The following CSMD1 variants were observed in gnomAD, a reference collection of about 807,000 sequenced individuals.
CSMD1 encodes the protein CUB and Sushi multiple domains 1.
Under a neutral mutation model 417.5 loss-of-function variants are expected in CSMD1, and 213 were observed. That is an observed-to-expected ratio of 0.51 (90% CI 0.46 to 0.57). CSMD1 has a LOEUF of 0.57. CSMD1 is among the 20% of genes least tolerant of loss of function. The probability of loss-of-function intolerance (pLI) is 0.00; values close to 1 mark genes in which losing one functional copy is unlikely to be tolerated. For missense variants in CSMD1, 6,923 were observed against 4,529.7 expected (o/e 1.53, Z -15.17); for synonymous variants, 2,862 against 1,736.8 (o/e 1.65, Z -16.11).
chr8:3,965,770 A>C (rs996840378), intron 5 of CSMD1, among the ~76,000 whole-genome samples: 1 of 151,970 alleles, frequency 6.6e-6, no homozygotes, highest in Non-Finnish European at 1.5e-5. Context: ...GGCATGTGAC[A>C]CCACACCTGG....
chr8:4,212,820 G>C (rs1054302107), intron 3 of CSMD1, among the ~76,000 whole-genome samples: 1 of 134,794 alleles, frequency 7.4e-6, no homozygotes. Context: ...GCCAGTTCAT[G>C]GACTGGCATT....
At chr8:3,540,896 T>G (rs1474786151) in intron 10 of CSMD1, among the ~76,000 whole-genome samples, 1 of 152,218 alleles carries the variant, frequency 6.6e-6, no homozygotes, top group African/African-American at 2.4e-5. Flanking sequence ...CCGGCGAGGC[T>G]GTGGAGAAAC....
At chr8:4,827,491 C>A (rs986484148) in intron 1 of CSMD1, among the ~76,000 whole-genome samples, 4 of 152,122 alleles carry the variant, frequency 2.6e-5, no homozygotes, top group African/African-American at 9.7e-5. Context: ...TTAAGATGAA[C>A]TGAATATTTT....
chr8:4,732,174 T>G (rs796946518), intron 1 of CSMD1, among the ~76,000 whole-genome samples: 48 of 152,216 alleles, frequency 3.2e-4, no homozygotes, highest in African/African-American at 1.1e-3. Context: ...TGCAAAAGCG[T>G]TCGGTAGCAG....
At chr8:4,291,734 G>A (rs530271737) in intron 3 of CSMD1, among the ~76,000 whole-genome samples, 34 of 152,102 alleles carry the variant, frequency 2.2e-4, no homozygotes, top group Non-Finnish European at 3.7e-4. Flanking sequence ...AGTTATATGC[G>A]GAGACAAAAG....
chr8:4,093,738 A>G (rs1800840149), intron 3 of CSMD1, among the ~76,000 whole-genome samples: 1 of 152,286 alleles, frequency 6.6e-6, no homozygotes, highest in South Asian at 2.1e-4. Flanking sequence ...AGGTGGAAAG[A>G]TAAACTGAGG....
intron 3 of CSMD1, among the ~76,000 whole-genome samples, chr8:4,273,229 A>T (rs974758967): frequency 6.6e-6 from 1 of 152,186 alleles, no homozygotes; most frequent in Non-Finnish European, 1.5e-5. Flanking sequence ...TTTCTCATAA[A>T]ATATAACTTA....
At chr8:3,199,610 A>C in intron 33 of CSMD1, 104 bp downstream of exon 33, 1 of 523,080 alleles carries the variant, frequency 1.9e-6, no homozygotes, top group Non-Finnish European at 3.2e-6. Flanking sequence ...AAATATTACA[A>C]AAATGCAGCT....
chr8:3,470,325 G>A (rs1298953574), intron 11 of CSMD1, among the ~76,000 whole-genome samples: 2 of 152,142 alleles, frequency 1.3e-5, no homozygotes, highest in African/African-American at 2.4e-5. Context: ...AGTAGGGGAT[G>A]ATTAACATTT....
intron 1 of CSMD1, among the ~76,000 whole-genome samples, chr8:4,889,181 T>C (rs1250223402): frequency 6.6e-6 from 1 of 152,110 alleles, no homozygotes; most frequent in Non-Finnish European, 1.5e-5. Context: ...TGGAGAATAC[T>C]GACAGACATG....
chr8:3,575,823 G>A (rs1489496179), intron 9 of CSMD1, among the ~76,000 whole-genome samples: 1 of 144,856 alleles, frequency 6.9e-6, no homozygotes, highest in Non-Finnish European at 1.5e-5. Context: ...TAATTTAATT[G>A]GCCTCCAGTT....
intron 1 of CSMD1, among the ~76,000 whole-genome samples, chr8:4,957,154 A>G (rs1274598407): frequency 3.2e-4 from 49 of 152,234 alleles, no homozygotes; most frequent in Admixed American, 3.1e-3. Flanking sequence ...CAATTAGGTA[A>G]AAACAGTTTG....
intron 5 of CSMD1, among the ~76,000 whole-genome samples, chr8:3,923,517 T>C (rs1402066450): frequency 6.6e-6 from 1 of 152,122 alleles, no homozygotes; most frequent in African/African-American, 2.4e-5. Flanking sequence ...TGTCTTTTAT[T>C]CTCACCTTGC....
chr8:3,923,984 C>T (rs1360721612), intron 5 of CSMD1, among the ~76,000 whole-genome samples: 2 of 152,152 alleles, frequency 1.3e-5, no homozygotes, highest in Admixed American at 6.5e-5. Flanking sequence ...TATACACTTA[C>T]CTTTACAGGT....
rs143587477 is a variant in CSMD1 at position 4,282,495 on chromosome 8, G to A, written c.415+137458C>T. 2.3e-3 allele frequency among the ~76,000 whole-genome samples: 343 copies of A among 152,208 alleles called. 2 individuals are homozygous for A. Among genetic ancestry groups the A allele is most frequent in the African/African-American group, 7.5e-3 (312 of 41,524 alleles). ...TGCTTATTTAATTTAGTATGACATC[G>A]TTATCTCCCTCTAAGCTTTGCGTTT... On this transcript the variant is annotated intron_variant, in intron 3 of 69. Transcript: ENST00000635120.
chr8:2,944,542 C>T (rs575814785), intron 68 of CSMD1, among the ~76,000 whole-genome samples: 1 of 152,150 alleles, frequency 6.6e-6, no homozygotes, highest in Non-Finnish European at 1.5e-5. Flanking sequence ...TTCACACGGA[C>T]TCATAGTCAC....
At chr8:3,186,985 G>A (rs184704782) in intron 36 of CSMD1, among the ~76,000 whole-genome samples, 115 of 152,264 alleles carry the variant, frequency 7.6e-4, no homozygotes, top group African/African-American at 2.4e-3. Context: ...CAGGTGATCC[G>A]CCCACCTCAG....
chr8:3,461,345 G>C (rs1316052119), intron 12 of CSMD1, among the ~76,000 whole-genome samples: 1 of 152,228 alleles, frequency 6.6e-6, no homozygotes, highest in Admixed American at 6.5e-5. Flanking sequence ...CCAGCTTGGA[G>C]AGTATGCTGG....
rs181598786 is a variant in CSMD1 at position 3,918,980 on chromosome 8, A to C, written c.818+78923T>G. 1.8e-3 allele frequency among the ~76,000 whole-genome samples: 277 copies of C among 152,090 alleles called. 1 individual carries two copies. Among genetic ancestry groups the C allele is most frequent in the African/African-American group, 6.3e-3 (263 of 41,506 alleles). On this transcript the variant is annotated intron_variant, in intron 5 of 69. Transcript: ENST00000635120. Reference sequence around the variant, plus strand: ...AAAATCTCACAAATCACCACTAAAAAACTTATTCATGTAACCAAATACCAC... The same window carrying C: ...AAAATCTCACAAATCACCACTAAAACACTTATTCATGTAACCAAATACCAC...
Sources: gnomAD v4.1 joint callset for allele counts (sites outside exome capture counted in the v4.1 genomes callset) on GRCh38, gnomAD v4.1.1 for gene constraint, MANE v1.5 for transcripts, NCBI Gene and HGNC (gene_info 2026-07-23, HGNC 2026-07-21) for gene names.